The following FBXW7 variants were observed in gnomAD, a reference collection of about 807,000 sequenced individuals.
The protein encoded by FBXW7 is F-box and WD repeat domain containing 7.
In FBXW7, 11 loss-of-function variants were observed where a neutral mutation model predicts 86.3. The ratio of observed to expected loss-of-function variants is 0.13; its 90% CI spans 0.08 to 0.21. The LOEUF (loss-of-function observed/expected upper bound fraction) is 0.21, where lower values mean the gene tolerates loss of function less well. FBXW7 is among the 10% of genes least tolerant of loss of function. The pLI is 1.00. For synonymous variants in FBXW7, 313 were observed against 297.9 expected, an observed-to-expected ratio of 1.05 and a Z score of -0.52; for missense variants, 488 against 847.4, an observed-to-expected ratio of 0.58 and a Z score of 5.27.
intron 2 of FBXW7, among the ~76,000 whole-genome samples, chr4:152,444,655 A>G (rs2126995942): frequency 6.6e-6 from 1 of 152,378 alleles, no homozygotes; most frequent in East Asian, 1.9e-4. Context: ...AAGGTAAAAC[A>G]GGAAAACATT....
chr4:152,431,965 T>C (rs1424848145), intron 2 of FBXW7, among the ~76,000 whole-genome samples: 3 of 152,198 alleles, frequency 2.0e-5, no homozygotes, highest in Non-Finnish European at 2.9e-5. Flanking sequence ...CAGAGTCTCA[T>C]TGTGATTGTG....
At chr4:152,460,593 A>C (rs1455830945) in intron 2 of FBXW7, among the ~76,000 whole-genome samples, 4 of 152,108 alleles carry the variant, frequency 2.6e-5, no homozygotes, top group Admixed American at 1.3e-4. Context: ...CAGAATTCTT[A>C]TTTGATAGCT....
chr4:152,499,120 A>G (rs1746664008), intron 2 of FBXW7, among the ~76,000 whole-genome samples: 1 of 152,080 alleles, frequency 6.6e-6, no homozygotes, highest in African/African-American at 2.4e-5. Flanking sequence ...TCCCCACCAA[A>G]TTGTTCCCAT....
chr4:152,449,975 T>C (rs192768580), intron 2 of FBXW7, among the ~76,000 whole-genome samples: 1 of 152,290 alleles, frequency 6.6e-6, no homozygotes, highest in Admixed American at 6.5e-5. Context: ...TAAAACTAAA[T>C]AATAAACACC....
chr4:152,501,996 G>A (rs1438607223), intron 2 of FBXW7, among the ~76,000 whole-genome samples: 2 of 152,088 alleles, frequency 1.3e-5, no homozygotes, highest in East Asian at 1.9e-4. Context: ...CTCTTTCTAG[G>A]GTGCTTGATT....
At chr4:152,475,135 T>TTAA (rs908729944) in intron 2 of FBXW7, among the ~76,000 whole-genome samples, 2 of 149,172 alleles carry the variant, frequency 1.3e-5, no homozygotes, top group African/African-American at 4.9e-5. Flanking sequence ...TTTATATATA[T>TTAA]TAATAATAAT....
intron 4 of FBXW7, among the ~76,000 whole-genome samples, chr4:152,379,185 A>G: frequency 6.6e-6 from 1 of 152,112 alleles, no homozygotes; most frequent in East Asian, 1.9e-4. Context: ...GATTTAAGAA[A>G]TATAACATTA....
intron 2 of FBXW7, among the ~76,000 whole-genome samples, chr4:152,517,558 C>T (rs1732556811): frequency 6.6e-6 from 1 of 152,184 alleles, no homozygotes; most frequent in African/African-American, 2.4e-5. Context: ...TAGAGCCAGA[C>T]TGCCTGGAAA....
intron 2 of FBXW7, among the ~76,000 whole-genome samples, chr4:152,513,832 TTG>T (rs1748214269): frequency 6.6e-6 from 1 of 152,268 alleles, no homozygotes; most frequent in Admixed American, 6.5e-5. Context: ...AGACAATTTC[TTG>T]TGGAGTCCAC....
intron 2 of FBXW7, among the ~76,000 whole-genome samples, chr4:152,523,862 G>T (rs1749252147): frequency 6.6e-6 from 1 of 152,274 alleles, no homozygotes; most frequent in South Asian, 2.1e-4. Flanking sequence ...TAAGTTTCAA[G>T]AGAGCAGGAT....
intron 2 of FBXW7, among the ~76,000 whole-genome samples, chr4:152,480,371 A>G (rs1392417801): frequency 6.6e-6 from 1 of 152,050 alleles, no homozygotes; most frequent in Non-Finnish European, 1.5e-5. Context: ...GACTGCTCCA[A>G]CCACCAGCCA....
At chr4:152,402,416 C>T (rs1022943190) in intron 4 of FBXW7, among the ~76,000 whole-genome samples, 4 of 152,096 alleles carry the variant, frequency 2.6e-5, no homozygotes, top group African/African-American at 9.7e-5. Context: ...ACCACAGTAA[C>T]AGAGATTTAG....
At chr4:152,428,897 A>G (rs958996151) in intron 2 of FBXW7, among the ~76,000 whole-genome samples, 1 of 152,188 alleles carries the variant, frequency 6.6e-6, no homozygotes, top group Non-Finnish European at 1.5e-5. Flanking sequence ...AGATTCACAC[A>G]TAGCTTTCAG....
chr4:152,427,609 AAG>A (rs1035081943), intron 2 of FBXW7, among the ~76,000 whole-genome samples: 2 of 152,188 alleles, frequency 1.3e-5, no homozygotes, highest in African/African-American at 2.4e-5. Flanking sequence ...CTTCCAGATG[AAG>A]AGTCTTTGTA....
At chr4:152,353,083 G>C in intron 4 of FBXW7, 3 of 863,724 alleles carry the variant, frequency 3.5e-6, no homozygotes, top group Middle Eastern at 4.7e-4. Flanking sequence ...CATTTTTGAA[G>C]AGTTTTAAAT....
intron 2 of FBXW7, among the ~76,000 whole-genome samples, chr4:152,525,964 T>C (rs1749471369): frequency 6.6e-6 from 1 of 152,188 alleles, no homozygotes; most frequent in African/African-American, 2.4e-5. Flanking sequence ...TTCACTAGCA[T>C]CTGTTATTTT....
rs1359157921 is a variant in FBXW7 at position 152,374,995 on chromosome 4, T to A, written c.502-24871A>T. 2.0e-5 allele frequency among the ~76,000 whole-genome samples: 3 copies of A among 152,178 alleles called. No homozygotes were observed. In the South Asian group the frequency reaches 6.2e-4, roughly 31 times the overall value. On this transcript the variant is annotated intron_variant, in intron 4 of 13. Coordinates refer to ENST00000281708, the MANE Select transcript of FBXW7 (RefSeq NM_001349798.2). The stretch of plus-strand genomic sequence containing the variant: ...AGTTCTATGAAAGTGATGTTGAGTT[T>A]CGTGAAATCCCTTTTAGTCATCAAG...
intron 4 of FBXW7, among the ~76,000 whole-genome samples, chr4:152,377,165 G>C (rs751961042): frequency 6.6e-6 from 1 of 152,102 alleles, no homozygotes; most frequent in Non-Finnish European, 1.5e-5. Context: ...TAAAAGAACA[G>C]CCAGTACCTG....
intron 6 of FBXW7, among the ~76,000 whole-genome samples, chr4:152,338,797 A>T (rs1335250948): frequency 6.6e-6 from 1 of 152,190 alleles, no homozygotes; most frequent in Non-Finnish European, 1.5e-5. Flanking sequence ...TAAATGAAAG[A>T]ACATTCTTAA....
Sources: gnomAD v4.1 joint callset for allele counts (sites outside exome capture counted in the v4.1 genomes callset) on GRCh38, gnomAD v4.1.1 for gene constraint, MANE v1.5 for transcripts, NCBI Gene and HGNC (gene_info 2026-07-23, HGNC 2026-07-21) for gene names.